TRPV3: variants seen among roughly 807,000 people sequenced by gnomAD.
TRPV3 encodes the protein transient receptor potential cation channel subfamily V member 3.
TRPV3 carries 88 observed loss-of-function variants against 87.1 expected under a neutral mutation model. That is an observed-to-expected ratio of 1.01 (90% CI 0.85 to 1.21). The LOEUF (loss-of-function observed/expected upper bound fraction) is 1.21. TRPV3 is among the 50% of genes most tolerant of loss of function. TRPV3 has a pLI of 0.00. For synonymous variants in TRPV3, 438 were observed against 423.3 expected (o/e 1.03, Z -0.43); for missense variants, 1,054 against 1,030.1 (o/e 1.02, Z -0.32).
intron 17 of TRPV3, 91 bp from the exon 18 acceptor site, chr17:3,514,102 G>C (rs2074149913): frequency 2.6e-6 from 3 of 1,168,620 alleles, no homozygotes; most frequent in African/African-American, 3.1e-5. Flanking sequence ...TTTTGAGATG[G>C]AGTTTCCCTC....
At chr17:3,546,349 GGAA>G (rs1392377218) in intron 2 of TRPV3, among the ~76,000 whole-genome samples, 3 of 152,108 alleles carry the variant, frequency 2.0e-5, no homozygotes, top group Non-Finnish European at 4.4e-5. Flanking sequence ...GGCTGAGGCA[GGAA>G]AAGTGCTTGA....
chr17:3,520,886 G>A (rs934476526), intron 14 of TRPV3, 87 bp downstream of exon 14: 2 of 817,898 alleles, frequency 2.4e-6, no homozygotes, highest in Admixed American at 2.2e-5. Context: ...TCTAATTGTT[G>A]CCAAGGCCGC....
At chr17:3,524,011 A>G (rs117332269) in intron 13 of TRPV3, among the ~76,000 whole-genome samples, 187 bp downstream of exon 13, 2,360 of 152,194 alleles carry the variant, frequency 0.016, 30 homozygotes, top group Non-Finnish European at 0.023. Context: ...AGCACCCCAC[A>G]AGCCTGGGGG....
In TRPV3 at chr17:3,532,812, C is replaced by G; in HGVS notation, c.910G>C (p.Val304Leu). The G allele has an allele frequency of 6.2e-7, 1 of 1,614,254 alleles. No homozygotes were observed. Among genetic ancestry groups the G allele is most frequent in the Non-Finnish European group, 8.5e-7 (1 of 1,180,050 alleles). Residue 304 changes from valine (V) to leucine (L), a missense_variant, in exon 8 of 18, where the codon GTG becomes CTG. Val to Leu is a conservative substitution (Grantham distance 32). Transcript: ENST00000576742. Reference sequence around the variant, plus strand: ...GTCTTGAAGTCCTCGGCCACGGTCACCAGGGCGTGAAGGATGTTGTTGCCT... The same window carrying G: ...GTCTTGAAGTCCTCGGCCACGGTCAGCAGGGCGTGAAGGATGTTGTTGCCT... ...SRGNNILHAL[V>L]TVAEDFKTQN...
intron 7 of TRPV3, among the ~76,000 whole-genome samples, chr17:3,533,297 C>T (rs2074367454): frequency 6.6e-6 from 1 of 152,168 alleles, no homozygotes; most frequent in Admixed American, 6.5e-5. Context: ...GGCCTTTTTC[C>T]ACCTCCTCCA....
At chr17:3,545,120 T>C in intron 3 of TRPV3, 47 bp downstream of exon 3, 1 of 1,429,584 alleles carries the variant, frequency 7.0e-7, no homozygotes. Context: ...ATGCTGGAGC[T>C]GAGGGCTGGG....
intron 6 of TRPV3, 68 bp downstream of exon 6, chr17:3,542,454 T>C: frequency 6.5e-7 from 1 of 1,546,166 alleles, no homozygotes; most frequent in South Asian, 1.3e-5. Flanking sequence ...TGGCCAGCAG[T>C]GGCCCTGTGG....
chr17:3,548,681 G>A (rs2150805743), intron 2 of TRPV3, among the ~76,000 whole-genome samples: 1 of 152,310 alleles, frequency 6.6e-6, no homozygotes, highest in South Asian at 2.1e-4. Context: ...ACAGTCTCCT[G>A]CCCACCAAAA....
At chr17:3,544,250 T>G (rs2074500002) in intron 4 of TRPV3, among the ~76,000 whole-genome samples, 1 of 152,260 alleles carries the variant, frequency 6.6e-6, no homozygotes, top group African/African-American at 2.4e-5. Context: ...CTCGTGATCC[T>G]CCTGCCGCAG....
intron 12 of TRPV3, among the ~76,000 whole-genome samples, chr17:3,525,273 G>A (rs997733909): frequency 1.3e-5 from 2 of 152,202 alleles, no homozygotes; most frequent in Non-Finnish European, 2.9e-5. Flanking sequence ...ACCCACCTCG[G>A]CCTCCCAAAG....
intron 2 of TRPV3, among the ~76,000 whole-genome samples, chr17:3,548,419 T>C (rs550239982): frequency 6.6e-6 from 1 of 152,342 alleles, no homozygotes; most frequent in East Asian, 1.9e-4. Context: ...AATCCATGCT[T>C]CTTTGCTCTC....
At chr17:3,514,370 C>A in intron 17 of TRPV3, 1 of 571,920 alleles carries the variant, frequency 1.7e-6, no homozygotes, top group Non-Finnish European at 3.1e-6. Context: ...CGAGCCACCG[C>A]GCCCGGCCTG....
intron 3 of TRPV3, 144 bp from the exon 4 acceptor site, chr17:3,544,809 C>T (rs1392777091): frequency 3.1e-6 from 2 of 645,650 alleles, no homozygotes; most frequent in African/African-American, 1.9e-5. Flanking sequence ...CCAGCCTGGC[C>T]AACATGGTGA....
rs200251594 is a variant in TRPV3 at position 3,516,574 on chromosome 17, G to A, written c.2086-5C>T. On this transcript the variant is annotated splice_polypyrimidine_tract_variant and splice_region_variant and intron_variant, in intron 15 of 17. Transcript: ENST00000576742. ...CTCCAAGATGGTCCTGGCTCTCTGG[G>A]GACATAAGCAAGTCTAAGGAGTAGG... is the stretch of plus-strand genomic sequence containing the variant. The A allele has an allele frequency of 8.9e-5, 143 of 1,611,238 alleles. No homozygotes were observed. Among genetic ancestry groups the A allele is most frequent in the Non-Finnish European group, 1.1e-4 (135 of 1,177,418 alleles).
In TRPV3 at chr17:3,554,707, C is replaced by T. The variant is rs200814497; in HGVS notation, c.119+25G>A. 262 of 1,532,638 alleles carry T rather than the reference C, an allele frequency of 1.7e-4. 1 individual carries two copies. The South Asian group carries it at 2.5e-3, about 15-fold the overall frequency. The allele number at this position is 1,532,638 out of a possible 1,614,324, so 94.9% of individuals were successfully genotyped here. On this transcript the variant is annotated intron_variant, in intron 2 of 17. Transcript: ENST00000576742. ...TCGTGCCCCTCACAGTGCCGCAGTC[C>T]GTGTCCCGAGCTCTCCAAACCCACC...
At chr17:3,538,139 A>C (rs1407366427) in intron 6 of TRPV3, among the ~76,000 whole-genome samples, 5 of 151,900 alleles carry the variant, frequency 3.3e-5, no homozygotes, top group African/African-American at 1.2e-4. Context: ...TGGAGCTTGC[A>C]GTGAGCATGC....
chr17:3,525,506 AC>A (rs1163823080), intron 12 of TRPV3, among the ~76,000 whole-genome samples: 5 of 152,150 alleles, frequency 3.3e-5, no homozygotes, highest in African/African-American at 1.2e-4. Context: ...CAGGACGAAA[AC>A]AGTTCTAAAG....
intron 15 of TRPV3, among the ~76,000 whole-genome samples, chr17:3,517,619 C>CAAAA (rs34610978): frequency 3.1e-5 from 2 of 65,340 alleles, no homozygotes; most frequent in Non-Finnish European, 5.2e-5. Flanking sequence ...GACCCTGTCT[C>CAAAA]AAAAAAAAAA....
At chr17:3,551,644 C>T (rs142746406) in intron 2 of TRPV3, among the ~76,000 whole-genome samples, 6 of 151,184 alleles carry the variant, frequency 4.0e-5, no homozygotes, top group South Asian at 2.1e-4. Flanking sequence ...CCAGTGTCTC[C>T]ACAGCCTCCA....
Sources: gnomAD v4.1 joint callset for allele counts (sites outside exome capture counted in the v4.1 genomes callset) on GRCh38, gnomAD v4.1.1 for gene constraint, MANE v1.5 for transcripts, NCBI Gene and HGNC (gene_info 2026-07-23, HGNC 2026-07-21) for gene names.